Variants in ZNF585A observed in about 807,000 individuals in gnomAD.
ZNF585A encodes zinc finger protein 585A.
A neutral mutation model predicts 14.9 loss-of-function variants in ZNF585A; 9 were observed. The ratio of observed to expected loss-of-function variants is 0.60; its 90% CI spans 0.36 to 1.05. ZNF585A has a LOEUF of 1.05. ZNF585A is among the 50% of genes least tolerant of loss of function. The probability of loss-of-function intolerance (pLI) is 0.01; values close to 1 mark genes in which losing one functional copy is unlikely to be tolerated. For synonymous variants in ZNF585A, 276 were observed against 319.9 expected, an observed-to-expected ratio of 0.86 and a Z score of 1.46; for missense variants, 726 against 926.4, an observed-to-expected ratio of 0.78 and a Z score of 2.81.
At chr19:37,169,666 C>T (rs1343286085) in intron 2 of ZNF585A, among the ~76,000 whole-genome samples, 173 bp downstream of exon 2, 1 of 152,172 alleles carries the variant, frequency 6.6e-6, no homozygotes, top group Non-Finnish European at 1.5e-5. Context: ...ACATTACCCA[C>T]ATGTTGCTCA....
Position 37,155,896 on chromosome 19 carries a change from C to G in ZNF585A, c.261G>C (p.Leu87=), listed in dbSNP as rs765651223. 7 of 1,612,420 alleles carry G rather than the reference C, an allele frequency of 4.3e-6. No individual in the cohort carries two copies. The Admixed American group carries it at 1.2e-4, about 27-fold the overall frequency. Residue 87 remains leucine, a synonymous_variant, in exon 4 of 5, where the codon CTG becomes CTC. Transcript: ENST00000292841. ...MLEQGKEPWA[L]QGERPRQSCP... ...AGCTCTGACGTGGCCTCTCACCCTG[C>G]AGTGCCCATGGTTCCTTTCCTTGCT...
rs1444881700 is a variant in ZNF585A, at chr19:37,159,001, A to G, written c.73-2646T>C. Among the ~76,000 whole-genome samples, 3 of 152,144 alleles carry G rather than the reference A, an allele frequency of 2.0e-5. No individual in the cohort carries two copies. In the East Asian group the frequency reaches 5.8e-4, roughly 29 times the overall value. ...GGTGGCTCACACCTGTAATCCCAGC[A>G]CTTTGGGAGGCCGAGGCAAGTGGAT... On this transcript the variant is annotated intron_variant, in intron 2 of 4. Transcript: ENST00000292841.
intron 4 of ZNF585A, among the ~76,000 whole-genome samples, chr19:37,154,872 A>T (rs1971899539): frequency 6.6e-6 from 1 of 152,080 alleles, no homozygotes; most frequent in African/African-American, 2.4e-5. Flanking sequence ...TGGGTGACAC[A>T]GAGTAACTTT....
At chr19:37,156,379 A>G in intron 2 of ZNF585A, 24 bp from the exon 3 acceptor site, 1 of 1,613,954 alleles carries the variant, frequency 6.2e-7, no homozygotes, top group Non-Finnish European at 8.5e-7. Context: ...TTCTTGTTCA[A>G]TGTGCACAGT....
At position 37,151,673 on chromosome 19, in the gene ZNF585A, T is replaced by G. The variant is rs754952633; in HGVS notation, c.2226A>C (p.Gly742=). 2.8e-5 allele frequency: 46 copies of G among 1,614,064 alleles called. No individual in the cohort carries two copies. Among genetic ancestry groups the G allele is most frequent in the Non-Finnish European group, 3.6e-5 (43 of 1,180,040 alleles). The change falls in exon 5 of 5, where the codon GGA becomes GGC. Residue 742 remains glycine (G), a synonymous_variant. Coordinates refer to ENST00000292841, the MANE Select transcript of ZNF585A (RefSeq NM_001288800.2). ...NLNKHQTTHT[G]DKPYKCGICG... Reference sequence around the variant, plus strand: ...AGATGCCACACTTGTAGGGTTTGTCTCCAGTGTGTGTTGTCTGATGTTTAT... The same window carrying G: ...AGATGCCACACTTGTAGGGTTTGTCGCCAGTGTGTGTTGTCTGATGTTTAT...
chr19:37,168,254 A>C (rs2145417053), intron 2 of ZNF585A, among the ~76,000 whole-genome samples: 1 of 152,290 alleles, frequency 6.6e-6, no homozygotes, highest in Middle Eastern at 3.4e-3. Flanking sequence ...CTTTATTTTT[A>C]AATGAGGATA....
chr19:37,172,602 C>T (rs1164514159), intron 1 of ZNF585A, 25 bp downstream of exon 1: 1 of 152,286 alleles, frequency 6.6e-6, no homozygotes, highest in Non-Finnish European at 1.5e-5. Flanking sequence ...CCACAGAAAC[C>T]CCAATCGTGA....
chr19:37,156,723 G>A (rs575221644), intron 2 of ZNF585A, among the ~76,000 whole-genome samples: 52 of 151,170 alleles, frequency 3.4e-4, no homozygotes, highest in African/African-American at 1.1e-3. Flanking sequence ...ACAGAGTCTC[G>A]CTCTGTTGTC....
At chr19:37,161,869 T>C (rs945867508) in intron 2 of ZNF585A, among the ~76,000 whole-genome samples, 3 of 152,114 alleles carry the variant, frequency 2.0e-5, no homozygotes, top group African/African-American at 4.8e-5. Flanking sequence ...CAGGAAGAAA[T>C]TGGAGACAGA....
rs1971926474 is a variant in ZNF585A at position 37,156,176 on chromosome 19, T to G, written c.199+53A>C. On this transcript the variant is annotated intron_variant, in intron 3 of 4. Coordinates refer to ENST00000292841, the MANE Select transcript of ZNF585A (RefSeq NM_001288800.2). Reference sequence around the variant, plus strand: ...GCGGACAGCATTCACCAACTGAGAATGAAAACACTCTCAGTGAGGCCTCCT... The same window carrying G: ...GCGGACAGCATTCACCAACTGAGAAGGAAAACACTCTCAGTGAGGCCTCCT... 42 of 1,599,920 alleles carry G rather than the reference T, an allele frequency of 2.6e-5. No individual in the cohort carries two copies. In the South Asian group the frequency reaches 4.7e-4, roughly 18 times the overall value.
chr19:37,165,945 A>G (rs996016940), intron 2 of ZNF585A, among the ~76,000 whole-genome samples: 12 of 152,040 alleles, frequency 7.9e-5, no homozygotes, highest in Non-Finnish European at 1.5e-4. Flanking sequence ...TATTTTTGGC[A>G]TGATTTTGTA....
At chr19:37,153,640 A>G (rs1599747346) in intron 4 of ZNF585A, 34 bp from the exon 5 acceptor site, 2 of 1,457,528 alleles carry the variant, frequency 1.4e-6, no homozygotes, top group Middle Eastern at 1.8e-4. Flanking sequence ...CTATAGGAAG[A>G]CATTTTATCA....
rs1327519434 is a variant in ZNF585A, at chr19:37,150,374, G to A, written c.*1215C>T. 6.6e-6 allele frequency: 1 copy of A among 152,140 alleles called. No homozygotes were observed. Among genetic ancestry groups the A allele is most frequent in the Admixed American group, 6.6e-5 (1 of 15,264 alleles). The allele number at this position is 152,140 out of a possible 1,614,324, so 9.4% of individuals were successfully genotyped here. On this transcript the variant is annotated 3_prime_UTR_variant, in exon 5 of 5. Transcript: ENST00000292841. ...GCTAGAGGTGTAATAAAAGTATCAG[G>A]AGATAGAAACCATTGTATTGCAGGG...
intron 2 of ZNF585A, among the ~76,000 whole-genome samples, chr19:37,160,984 C>T (rs1972005267): frequency 6.6e-6 from 1 of 152,130 alleles, no homozygotes; most frequent in Admixed American, 6.5e-5. Flanking sequence ...CCTCCTGCCT[C>T]AGCCTCCTGA....
intron 2 of ZNF585A, 102 bp from the exon 3 acceptor site, chr19:37,156,457 A>G: frequency 7.1e-6 from 10 of 1,411,726 alleles, no homozygotes; most frequent in Non-Finnish European, 9.4e-6. Flanking sequence ...TTAAATTTAC[A>G]TTCTCTTTTT....
Position 37,169,915 on chromosome 19 carries a change from A to G in ZNF585A, c.-5T>C, listed in dbSNP as rs774073751. 3 of 1,612,430 alleles carry G rather than the reference A, an allele frequency of 1.9e-6. No individual in the cohort carries two copies. In the African/African-American group the frequency reaches 4.0e-5, roughly 22 times the overall value. On this transcript the variant is annotated 5_prime_UTR_variant, in exon 2 of 5. Coordinates refer to ENST00000292841, the MANE Select transcript of ZNF585A (RefSeq NM_001288800.2). ...TGAGGTCCAATTAGCTGGCATGGCCACACTGGGTCTCAACCCTTTTTCTGT... is the reference window on the plus strand; with the variant it reads ...TGAGGTCCAATTAGCTGGCATGGCCGCACTGGGTCTCAACCCTTTTTCTGT...
At chr19:37,170,750 A>C (rs559272228) in intron 1 of ZNF585A, among the ~76,000 whole-genome samples, 5 of 152,364 alleles carry the variant, frequency 3.3e-5, no homozygotes, top group African/African-American at 1.2e-4. Flanking sequence ...CTGGGATTAC[A>C]GGCGTGAGCC....
chr19:37,165,178 T>A (rs1972067701), intron 2 of ZNF585A, among the ~76,000 whole-genome samples: 1 of 151,938 alleles, frequency 6.6e-6, no homozygotes. Flanking sequence ...GCCAACATGG[T>A]GAAACCCCGT....
At chr19:37,153,639 G>T (rs1235430088) in intron 4 of ZNF585A, 33 bp from the exon 5 acceptor site, 1 of 1,469,924 alleles carries the variant, frequency 6.8e-7, no homozygotes, top group Admixed American at 2.1e-5. Context: ...ACTATAGGAA[G>T]ACATTTTATC....
Sources: gnomAD v4.1 joint callset for allele counts (sites outside exome capture counted in the v4.1 genomes callset) on GRCh38, gnomAD v4.1.1 for gene constraint, MANE v1.5 for transcripts, NCBI Gene and HGNC (gene_info 2026-07-23, HGNC 2026-07-21) for gene names.